PMVK: variants seen among roughly 807,000 people sequenced by gnomAD.
PMVK encodes the protein testis tissue sperm-binding protein Li 95mP.
In PMVK, 10 loss-of-function variants were observed where a neutral mutation model predicts 19.0. The ratio of observed to expected loss-of-function variants is 0.53; its 90% CI spans 0.32 to 0.89. PMVK has a LOEUF of 0.89. Ranked by LOEUF, PMVK falls within the 40% of genes least tolerant of loss-of-function variation. The pLI is 0.03. For missense variants in PMVK, 222 were observed against 251.1 expected (o/e 0.88, Z 0.78); for synonymous variants, 108 against 101.6 (o/e 1.06, Z -0.38).
At chr1:154,929,479 C>T (rs906512781) in intron 2 of PMVK, among the ~76,000 whole-genome samples, 4 of 152,148 alleles carry the variant, frequency 2.6e-5, no homozygotes, top group African/African-American at 9.7e-5. Context: ...CTGGCTTAAA[C>T]TAATACTGAA....
At chr1:154,932,257 C>T (rs567122181) in intron 2 of PMVK, 95 bp downstream of exon 2, 201 of 888,382 alleles carry the variant, frequency 2.3e-4, no homozygotes, top group Middle Eastern at 1.5e-3. Context: ...GCAGTGGTGA[C>T]GGGAATCATG....
chr1:154,932,395 GCA>G lies in PMVK; in HGVS notation c.114_115del (p.Ala39CysfsTer48). 1 of 1,612,262 alleles carries G rather than the reference GCA, an allele frequency of 6.2e-7. No homozygotes were observed. On this transcript the variant is annotated frameshift_variant, in exon 2 of 5. Transcript: ENST00000368467. LOFTEE classifies it high-confidence loss of function. Reference sequence around the variant, plus strand: ...GAGTGGACCAGAGAGCCGGAGGACAGCACAGACATCAGCTCCAAGTCTGCAGG... The same window carrying G: ...GAGTGGACCAGAGAGCCGGAGGACAGCAGACATCAGCTCCAAGTCTGCAGG...
intron 4 of PMVK, among the ~76,000 whole-genome samples, chr1:154,925,517 G>A (rs1274942446): frequency 6.6e-6 from 1 of 152,204 alleles, no homozygotes; most frequent in African/African-American, 2.4e-5. Flanking sequence ...CCTACAGAGG[G>A]TGAATCGGGT....
intron 4 of PMVK, 136 bp downstream of exon 4, chr1:154,926,218 C>T: frequency 1.3e-6 from 1 of 766,842 alleles, no homozygotes; most frequent in Non-Finnish European, 2.0e-6. Context: ...ATTCTGTCCA[C>T]CATGCTACTC....
chr1:154,930,070 G>C lies in PMVK; in HGVS notation c.160-894C>G, dbSNP rs1315375329. Among the ~76,000 whole-genome samples, 4 of 152,250 alleles carry C rather than the reference G, an allele frequency of 2.6e-5. No homozygotes were observed. In the East Asian group the frequency reaches 7.7e-4, roughly 29 times the overall value. Reference sequence around the variant, plus strand: ...AATCAATGCATGAACATTTCATTTTGGTTTTGTTTTTTAATGGGAGTGGGG... The same window carrying C: ...AATCAATGCATGAACATTTCATTTTCGTTTTGTTTTTTAATGGGAGTGGGG... On this transcript the variant is annotated intron_variant, in intron 2 of 4. Transcript: ENST00000368467.
Sources: gnomAD v4.1 joint callset for allele counts (sites outside exome capture counted in the v4.1 genomes callset) on GRCh38, gnomAD v4.1.1 for gene constraint, MANE v1.5 for transcripts, NCBI Gene and HGNC (gene_info 2026-07-23, HGNC 2026-07-21) for gene names.